Variants in CFAP299 observed in about 807,000 individuals in gnomAD.
CFAP299 encodes cilia and flagella associated protein 299.
A neutral mutation model predicts 27.0 loss-of-function variants in CFAP299; 21 were observed. The ratio of observed to expected loss-of-function variants is 0.78; its 90% CI spans 0.55 to 1.12. CFAP299 has a LOEUF of 1.12. Ranked by LOEUF, CFAP299 falls within the 50% of genes most tolerant of loss-of-function variation. The pLI is 0.00. For missense variants in CFAP299, 310 were observed against 276.6 expected, an observed-to-expected ratio of 1.12 and a Z score of -0.86; for synonymous variants, 104 against 98.1, an observed-to-expected ratio of 1.06 and a Z score of -0.36.
intron 1 of CFAP299, among the ~76,000 whole-genome samples, chr4:80,351,096 A>G (rs1468085463): frequency 6.6e-6 from 1 of 152,198 alleles, no homozygotes; most frequent in Non-Finnish European, 1.5e-5. Context: ...CAGCCAGGAT[A>G]ATTTGTTGTT....
the CFAP299 span, among the ~76,000 whole-genome samples, chr4:80,324,027 G>C: frequency 8.6e-5 from 13 of 152,036 alleles, no homozygotes; most frequent in Non-Finnish European, 1.9e-4. Context: ...GTGCAGGTTT[G>C]TTACATAGGT....
chr4:80,390,916 C>CACACATATGTATATATGTATAT (rs1458650902), intron 2 of CFAP299, among the ~76,000 whole-genome samples: 9 of 63,810 alleles, frequency 1.4e-4, no homozygotes, highest in Non-Finnish European at 3.4e-4. Flanking sequence ...TATGTATATA[C>CACACATATGTATATATGTATAT]ACACATATGT....
At chr4:80,830,146 G>A (rs961424905) in intron 3 of CFAP299, among the ~76,000 whole-genome samples, 8 of 152,086 alleles carry the variant, frequency 5.3e-5, no homozygotes, top group Admixed American at 2.6e-4. Flanking sequence ...ATTCCAGAGT[G>A]TGTTTTTCTT....
intron 3 of CFAP299, among the ~76,000 whole-genome samples, chr4:80,591,119 T>A (rs2903670): frequency 0.18 from 24,304 of 138,300 alleles, 2,935 homozygotes; most frequent in African/African-American, 0.37. Flanking sequence ...TTTTTTTTTT[T>A]TTTTTTTTTT....
upstream of CFAP299, among the ~76,000 whole-genome samples, chr4:80,335,271 C>T (rs190555183): frequency 1.4e-4 from 21 of 152,270 alleles, no homozygotes; most frequent in Admixed American, 3.9e-4. Flanking sequence ...TGTACACAAA[C>T]ATTAGCAATA....
chr4:80,786,069 G>C (rs1317317398), intron 3 of CFAP299, among the ~76,000 whole-genome samples: 2 of 152,058 alleles, frequency 1.3e-5, no homozygotes, highest in Admixed American at 6.6e-5. Flanking sequence ...CTTGCAATTT[G>C]AAATTGCTAT....
At chr4:80,853,283 G>A (rs1442819655) in intron 3 of CFAP299, among the ~76,000 whole-genome samples, 6 of 152,038 alleles carry the variant, frequency 3.9e-5, no homozygotes, top group African/African-American at 1.2e-4. Flanking sequence ...CACCCGCCTC[G>A]ACCTCCCAAA....
chr4:80,794,115 T>A (rs1727719910), intron 3 of CFAP299, among the ~76,000 whole-genome samples: 1 of 152,204 alleles, frequency 6.6e-6, no homozygotes, highest in South Asian at 2.1e-4. Flanking sequence ...AGAAGTAAAC[T>A]GATTTCATCT....
chr4:80,454,715 G>C (rs972932131), intron 2 of CFAP299, among the ~76,000 whole-genome samples: 5 of 152,178 alleles, frequency 3.3e-5, no homozygotes, highest in Non-Finnish European at 7.3e-5. Flanking sequence ...TGCCCAGACA[G>C]AGCCAGTTTA....
intron 2 of CFAP299, among the ~76,000 whole-genome samples, chr4:80,373,653 G>A (rs531473700): frequency 6.6e-6 from 1 of 152,216 alleles, no homozygotes; most frequent in South Asian, 2.1e-4. Context: ...TTTCTGCAGT[G>A]CCCTTGGTGG....
intron 2 of CFAP299, among the ~76,000 whole-genome samples, chr4:80,414,481 T>A (rs1726903829): frequency 1.3e-5 from 2 of 152,228 alleles, no homozygotes; most frequent in Admixed American, 1.3e-4. Context: ...ACTTAGAACA[T>A]CAAAGGATTT....
chr4:80,418,611 C>T (rs563967420), intron 2 of CFAP299, among the ~76,000 whole-genome samples: 4 of 152,294 alleles, frequency 2.6e-5, no homozygotes, highest in South Asian at 2.1e-4. Context: ...CTATCTGAGG[C>T]TTCGTATCCT....
At chr4:80,899,290 TGA>T (rs1025798517) in intron 4 of CFAP299, among the ~76,000 whole-genome samples, 3 of 152,192 alleles carry the variant, frequency 2.0e-5, no homozygotes, top group Admixed American at 1.3e-4. Flanking sequence ...TAGCTAGATA[TGA>T]GAGGTCTGTA....
intron 2 of CFAP299, among the ~76,000 whole-genome samples, chr4:80,442,112 A>T (rs1387803339): frequency 6.6e-6 from 1 of 152,148 alleles, no homozygotes; most frequent in African/African-American, 2.4e-5. Context: ...ATAGTGGGAG[A>T]CTTTACCACC....
rs868555569 is a variant in CFAP299 at position 80,390,572 on chromosome 4, T to C, written c.242+27688T>C. ...ATATATGTATATATGTATATATGTA[T>C]ACACACATATATGTATATATGTATA... On this transcript the variant is annotated intron_variant, in intron 2 of 5. Transcript: ENST00000358105. 3.3e-4 allele frequency among the ~76,000 whole-genome samples: 46 copies of C among 138,218 alleles called. 1 individual carries two copies. The highest frequency in any genetic ancestry group is 1.1e-3 in the African/African-American group (43 of 38,194). The allele number at this position is 138,218 out of a possible 152,430, so 90.7% of individuals were successfully genotyped here.
At chr4:80,786,668 T>A (rs948262051) in intron 3 of CFAP299, among the ~76,000 whole-genome samples, 7 of 152,120 alleles carry the variant, frequency 4.6e-5, no homozygotes, top group African/African-American at 1.7e-4. Context: ...TTTTGACAGC[T>A]GTTTTTTACT....
intron 3 of CFAP299, among the ~76,000 whole-genome samples, chr4:80,845,010 G>A (rs1286654049): frequency 2.0e-5 from 3 of 152,114 alleles, no homozygotes; most frequent in East Asian, 1.9e-4. Context: ...ATTAAATAGG[G>A]AATCCTTTCC....
At chr4:80,436,477 A>G (rs1728087863) in intron 2 of CFAP299, among the ~76,000 whole-genome samples, 1 of 151,938 alleles carries the variant, frequency 6.6e-6, no homozygotes, top group East Asian at 1.9e-4. Flanking sequence ...TTTGTTTTGT[A>G]TGTTTTAGTA....
intron 2 of CFAP299, among the ~76,000 whole-genome samples, chr4:80,572,413 G>A (rs1325554691): frequency 6.8e-6 from 1 of 147,704 alleles, no homozygotes; most frequent in Non-Finnish European, 1.5e-5. Context: ...AAATAAGTGA[G>A]AACAAGCAAA....
Sources: allele counts gnomAD v4.1 joint callset (sites outside exome capture counted in the v4.1 genomes callset), GRCh38; gene constraint gnomAD v4.1.1; transcripts MANE v1.5; gene names NCBI Gene and HGNC (gene_info 2026-07-23, HGNC 2026-07-21).